ENAH: variants seen among roughly 807,000 people sequenced by gnomAD.
ENAH encodes protein enabled homolog.
Under a neutral mutation model 78.7 loss-of-function variants are expected in ENAH, and 23 were observed. That is an observed-to-expected ratio of 0.29 (90% CI 0.21 to 0.41). The LOEUF is 0.41. Ranked by LOEUF, ENAH falls within the 10% of genes least tolerant of loss-of-function variation. The pLI, the probability that ENAH is intolerant of heterozygous loss-of-function variation, is 1.00. For missense variants in ENAH, 544 were observed against 691.0 expected (o/e 0.79, Z 2.39); for synonymous variants, 226 against 241.0 (o/e 0.94, Z 0.58).
intron 1 of ENAH, among the ~76,000 whole-genome samples, chr1:225,636,736 G>C (rs976788819): frequency 6.6e-6 from 1 of 152,130 alleles, no homozygotes; most frequent in African/African-American, 2.4e-5. Flanking sequence ...CATGAGTTTA[G>C]TTTTTTAATT....
chr1:225,614,272 T>C (rs2097010912), intron 1 of ENAH, among the ~76,000 whole-genome samples: 1 of 152,138 alleles, frequency 6.6e-6, no homozygotes, highest in Admixed American at 6.5e-5. Context: ...TTGGCAAGGA[T>C]GGTCTCGAAC....
intron 1 of ENAH, among the ~76,000 whole-genome samples, chr1:225,637,487 G>A (rs926762116): frequency 1.3e-5 from 2 of 152,232 alleles, no homozygotes; most frequent in Admixed American, 6.5e-5. Flanking sequence ...GATTACAGGC[G>A]TGAGCCACCG....
At chr1:225,595,963 C>T (rs1354966912) in intron 1 of ENAH, among the ~76,000 whole-genome samples, 1 of 152,130 alleles carries the variant, frequency 6.6e-6, no homozygotes, top group Non-Finnish European at 1.5e-5. Flanking sequence ...CATTTTTTCT[C>T]ATTATTATTT....
intron 7 of ENAH, 149 bp from the exon 8 acceptor site, chr1:225,513,165 T>TA (rs1351408242): frequency 1.7e-5 from 11 of 657,570 alleles, no homozygotes; most frequent in Non-Finnish European, 2.7e-5. Context: ...AATAGATTCT[T>TA]AGCATGACTT....
intron 6 of ENAH, among the ~76,000 whole-genome samples, chr1:225,516,963 A>C (rs368745169): frequency 1.2e-4 from 19 of 152,040 alleles, no homozygotes; most frequent in African/African-American, 4.3e-4. Context: ...GCGATACTAT[A>C]AAAGATATCA....
intron 3 of ENAH, among the ~76,000 whole-genome samples, chr1:225,536,382 CAAAAGT>C (rs1347195074): frequency 6.6e-6 from 1 of 150,944 alleles, no homozygotes; most frequent in Non-Finnish European, 1.5e-5. Context: ...ATGAGACAAA[CAAAAGT>C]AAATTTTTTT....
intron 1 of ENAH, among the ~76,000 whole-genome samples, chr1:225,595,141 T>C (rs568173495): frequency 9.2e-5 from 14 of 152,276 alleles, no homozygotes; most frequent in Middle Eastern, 3.4e-3. Context: ...GAGACCAGCC[T>C]GACCAACATG....
chr1:225,536,998 A>T (rs1195651615), intron 3 of ENAH, among the ~76,000 whole-genome samples: 1 of 152,126 alleles, frequency 6.6e-6, no homozygotes, highest in African/African-American at 2.4e-5. Context: ...CAATAATTAT[A>T]AGTTTAAACT....
chr1:225,584,579 T>C (rs2096836070), intron 1 of ENAH, among the ~76,000 whole-genome samples: 1 of 152,084 alleles, frequency 6.6e-6, no homozygotes. Context: ...ACATGAAATG[T>C]TAATGACTAA....
intron 1 of ENAH, among the ~76,000 whole-genome samples, chr1:225,571,351 C>T (rs1052538651): frequency 3.3e-5 from 5 of 150,452 alleles, no homozygotes; most frequent in African/African-American, 9.8e-5. Flanking sequence ...CCAGCCTGGG[C>T]GACAGAGTGA....
chr1:225,516,175 A>G (rs920801283), intron 6 of ENAH, among the ~76,000 whole-genome samples: 1 of 152,184 alleles, frequency 6.6e-6, no homozygotes, highest in Non-Finnish European at 1.5e-5. Context: ...CCCTGTTACC[A>G]TAACAATAAG....
Position 225,514,651 on chromosome 1 carries a change from G to C in ENAH, c.1163C>G (p.Pro388Arg). The change falls in exon 7 of 14, where the codon CCT (proline) becomes CGT (arginine). Residue 388 changes from proline (P) to arginine (R), a missense_variant. Transcript: ENST00000366843. Reference protein sequence around the residue: ...FLASMSEDNRPLTGLAAAIAG... With the variant: ...FLASMSEDNRRLTGLAAAIAG... Reference sequence around the variant, plus strand: ...AATTGCAGCTGCAAGTCCAGTTAAAGGGCGATTGTCTTCTGACATGGATGC... The same window carrying C: ...AATTGCAGCTGCAAGTCCAGTTAAACGGCGATTGTCTTCTGACATGGATGC... The C allele has an allele frequency of 1.2e-6, 2 of 1,612,502 alleles. No homozygotes were observed. The highest frequency in any genetic ancestry group is 1.7e-6 in the Non-Finnish European group (2 of 1,179,826).
At position 225,488,296 on chromosome 1, in the gene ENAH, GC is replaced by G. The variant is rs2150983285; in HGVS notation, c.*9478del. The stretch of plus-strand genomic sequence containing the variant: ...GCCCCCCGAGTCGCTGTGCCTAGGA[GC>G]ACGCACCACCACACCTGGCTTAAGT... On this transcript the variant is annotated 3_prime_UTR_variant, in exon 14 of 14. Transcript: ENST00000366843. 1 of 152,270 alleles carries G rather than the reference GC, an allele frequency of 6.6e-6. No homozygotes were observed. Among genetic ancestry groups the G allele is most frequent in the African/African-American group, 2.4e-5 (1 of 41,528 alleles). The allele number at this position is 152,270 out of a possible 1,614,324, so 9.4% of individuals were successfully genotyped here.
chr1:225,585,259 A>G (rs2096840513), intron 1 of ENAH, among the ~76,000 whole-genome samples: 1 of 150,796 alleles, frequency 6.6e-6, no homozygotes, highest in Non-Finnish European at 1.5e-5. Flanking sequence ...AGAGAAAGAG[A>G]AAAAGACATT....
At chr1:225,588,745 C>A (rs1196556182) in intron 1 of ENAH, among the ~76,000 whole-genome samples, 1 of 138,008 alleles carries the variant, frequency 7.2e-6, no homozygotes, top group African/African-American at 2.8e-5. Flanking sequence ...GCGGAGGTTG[C>A]AGTGAGCCGA....
At chr1:225,547,805 C>T (rs1222822760) in intron 3 of ENAH, among the ~76,000 whole-genome samples, 2 of 152,186 alleles carry the variant, frequency 1.3e-5, no homozygotes, top group African/African-American at 4.8e-5. Context: ...TCCCCCTCAT[C>T]TTCCCATGCC....
intron 1 of ENAH, among the ~76,000 whole-genome samples, chr1:225,594,906 GAATT>G (rs1308739501): frequency 6.6e-6 from 1 of 152,070 alleles, no homozygotes; most frequent in African/African-American, 2.4e-5. Flanking sequence ...AATAAACACA[GAATT>G]AATACAATCA....
At chr1:225,512,014 T>C (rs900093337) in intron 9 of ENAH, among the ~76,000 whole-genome samples, 155 bp from the exon 10 acceptor site, 2 of 152,220 alleles carry the variant, frequency 1.3e-5, no homozygotes, top group African/African-American at 4.8e-5. Flanking sequence ...TTAGACTTTC[T>C]TCTCCTGTCT....
chr1:225,586,379 C>T (rs1442294515), intron 1 of ENAH, among the ~76,000 whole-genome samples: 1 of 151,816 alleles, frequency 6.6e-6, no homozygotes, highest in East Asian at 1.9e-4. Context: ...AAACAAAACT[C>T]CAGGCACATG....
Sources: allele counts gnomAD v4.1 joint callset (sites outside exome capture counted in the v4.1 genomes callset), GRCh38; gene constraint gnomAD v4.1.1; transcripts MANE v1.5; gene names NCBI Gene and HGNC (gene_info 2026-07-23, HGNC 2026-07-21).